Variants in CDHR2 observed in about 807,000 individuals in gnomAD.
The protein encoded by CDHR2 is cadherin related family member 2, also known as cadherin-related family member 2.
In CDHR2, 104 loss-of-function variants were observed where a neutral mutation model predicts 138.6. The observed-to-expected ratio is 0.75, with a 90% CI of 0.64 to 0.88. The LOEUF (loss-of-function observed/expected upper bound fraction) is 0.88, where lower values mean the gene tolerates loss of function less well. CDHR2 is among the 40% of genes least tolerant of loss of function. The probability of loss-of-function intolerance (pLI) is 0.00; values close to 1 mark genes in which losing one functional copy is unlikely to be tolerated. For synonymous variants in CDHR2, 755 were observed against 742.8 expected (o/e 1.02, Z -0.27); for missense variants, 1,624 against 1,727.6 (o/e 0.94, Z 1.06).
chr5:176,560,482 C>G (rs1452438383), intron 1 of CDHR2, among the ~76,000 whole-genome samples: 1 of 152,136 alleles, frequency 6.6e-6, no homozygotes, highest in Non-Finnish European at 1.5e-5. Flanking sequence ...GTCCTCATCT[C>G]TTGCAGGAAG....
At chr5:176,547,874 A>G (rs1386925578), upstream of CDHR2, 2 of 152,218 alleles carry the variant, frequency 1.3e-5, no homozygotes, top group Non-Finnish European at 2.9e-5. Context: ...TGGGAAGCAA[A>G]CTATTAAAAT....
At chr5:176,560,225 C>T (rs112449882) in intron 1 of CDHR2, among the ~76,000 whole-genome samples, 1,865 of 152,140 alleles carry the variant, frequency 0.012, 38 homozygotes, top group African/African-American at 0.042. Flanking sequence ...GGTGAAACCC[C>T]GTCTCTACTA....
At chr5:176,561,992 A>C (rs1402350125) in intron 1 of CDHR2, among the ~76,000 whole-genome samples, 1 of 152,150 alleles carries the variant, frequency 6.6e-6, no homozygotes, top group African/African-American at 2.4e-5. Context: ...AAGGCGGGGA[A>C]GAGCATTCCA....
At chr5:176,565,477 GGA>G (rs1733954786) in intron 2 of CDHR2, 73 bp downstream of exon 2, 2 of 1,452,488 alleles carry the variant, frequency 1.4e-6, no homozygotes, top group Non-Finnish European at 1.9e-6. Context: ...GAAAGGAGGG[GGA>G]TCCCTCATCA....
At chr5:176,580,165 C>T (rs994514291) in intron 16 of CDHR2, among the ~76,000 whole-genome samples, 10 of 149,036 alleles carry the variant, frequency 6.7e-5, no homozygotes, top group Non-Finnish European at 1.2e-4. Flanking sequence ...CACTCACACA[C>T]GCACTCACAC....
chr5:176,550,799 G>A (rs1054853494), intron 1 of CDHR2, among the ~76,000 whole-genome samples: 1 of 152,094 alleles, frequency 6.6e-6, no homozygotes, highest in Non-Finnish European at 1.5e-5. Flanking sequence ...TGGGCAGTCC[G>A]GGTATCCTCA....
chr5:176,560,726 C>A (rs1489516403), intron 1 of CDHR2, among the ~76,000 whole-genome samples: 1 of 152,204 alleles, frequency 6.6e-6, no homozygotes, highest in African/African-American at 2.4e-5. Context: ...CTCATGGATA[C>A]CCAGTAACTA....
intron 5 of CDHR2, among the ~76,000 whole-genome samples, chr5:176,570,321 G>A (rs919916780): frequency 6.6e-5 from 10 of 152,124 alleles, no homozygotes; most frequent in Non-Finnish European, 1.0e-4. Context: ...GCACATTCCC[G>A]TGATAGGACA....
intron 17 of CDHR2, among the ~76,000 whole-genome samples, chr5:176,583,902 G>A (rs922606446): frequency 2.0e-5 from 3 of 152,138 alleles, no homozygotes; most frequent in African/African-American, 7.2e-5. Flanking sequence ...TAGAAAGCAG[G>A]GTCTAGAACA....
chr5:176,584,241 G>A lies in CDHR2; in HGVS notation c.2110G>A (p.Val704Met), dbSNP rs1290291243. 8 of 1,614,024 alleles carry A rather than the reference G, an allele frequency of 5.0e-6. No individual in the cohort carries two copies. The highest frequency in any genetic ancestry group is 1.1e-5 in the South Asian group (1 of 91,086). ...CAATCAGTCCAGCTACAACTTTACG[G>A]TGAAGGAGGAGGATCCAGGTATGTG... ...IFNQSSYNFT[V>M]KEEDPGVLVG... is the part of the protein sequence containing the mutation. Residue 704 changes from valine (V) to methionine (M), a missense_variant, in exon 18 of 32, where the codon GTG becomes ATG. Around this residue, in one of 3 missense-constraint regions of CDHR2, gnomAD observed 1,061 missense variants for 1,136.6 expected, o/e 0.93. Coordinates refer to ENST00000261944, the MANE Select transcript of CDHR2 (RefSeq NM_017675.6).
intron 6 of CDHR2, among the ~76,000 whole-genome samples, chr5:176,571,738 G>A (rs563371670): frequency 2.8e-4 from 42 of 152,052 alleles, no homozygotes; most frequent in African/African-American, 9.4e-4. Flanking sequence ...GGGTTTCACC[G>A]TGTTAGCCAG....
At chr5:176,557,715 T>TC (rs1484726874) in intron 1 of CDHR2, among the ~76,000 whole-genome samples, 45 of 147,178 alleles carry the variant, frequency 3.1e-4, no homozygotes, top group African/African-American at 1.2e-3. Flanking sequence ...TCTTTCTTTT[T>TC]TTTTTATTTT....
intron 17 of CDHR2, among the ~76,000 whole-genome samples, chr5:176,582,210 G>A (rs746024651): frequency 1.3e-5 from 2 of 151,694 alleles, no homozygotes; most frequent in Non-Finnish European, 2.9e-5. Context: ...TGTAGAGATG[G>A]GGTTTTTCCA....
At position 176,575,752 on chromosome 5, in the gene CDHR2, CGGGG is replaced by C; in HGVS notation, c.874_877del (p.Gly292GlnfsTer4). 5 of 1,570,394 alleles carry C rather than the reference CGGGG, an allele frequency of 3.2e-6. No homozygotes were observed. The highest frequency in any genetic ancestry group is 4.3e-6 in the Non-Finnish European group (5 of 1,157,048). ...CCACGCGGCCCGGCTGGTTTGACAT[CGGGG>C]CAGATGGGGTGATCAGGGTCAACGG... On this transcript the variant is annotated frameshift_variant, in exon 11 of 32. Coordinates refer to ENST00000261944, the MANE Select transcript of CDHR2 (RefSeq NM_017675.6). LOFTEE classifies it high-confidence loss of function.
chr5:176,586,117 G>A lies in CDHR2; in HGVS notation c.2806+92G>A, dbSNP rs79306068. 2.0e-3 allele frequency: 1,965 copies of A among 1,000,634 alleles called. 20 individuals are homozygous for A. In the African/African-American group the frequency reaches 0.027, roughly 14 times the overall value. The allele number at this position is 1,000,634 out of a possible 1,614,324, so 62.0% of individuals were successfully genotyped here. A position where few individuals can be genotyped will look rare whatever the true frequency, so the allele number is the denominator to read the frequency against. On this transcript the variant is annotated intron_variant, in intron 20 of 31. Coordinates refer to ENST00000261944, the MANE Select transcript of CDHR2 (RefSeq NM_017675.6). ...AGACCCTCCTTGGACCCCAGGGGGA[G>A]CCTTTAGAAAGGGGGGAAGGCCTCT...
At chr5:176,588,421 G>A (rs1380696359) in intron 21 of CDHR2, among the ~76,000 whole-genome samples, 2 of 72,544 alleles carry the variant, frequency 2.8e-5, no homozygotes, top group Non-Finnish European at 9.2e-5. Flanking sequence ...GAGGGTGTGA[G>A]TGTGTGTGTC....
intron 30 of CDHR2, among the ~76,000 whole-genome samples, 170 bp from the exon 31 acceptor site, chr5:176,592,553 A>G (rs1054565955): frequency 7.3e-6 from 1 of 137,884 alleles, no homozygotes; most frequent in African/African-American, 2.8e-5. Context: ...GGTGATGGTG[A>G]TGGTGCTGAT....
intron 17 of CDHR2, among the ~76,000 whole-genome samples, chr5:176,583,748 A>G (rs1463551938): frequency 6.6e-6 from 1 of 152,168 alleles, no homozygotes; most frequent in East Asian, 1.9e-4. Context: ...CAGGAGGGAC[A>G]GGGGTAGGAG....
chr5:176,565,637 GTGTCCCGATGTTC>G (rs747605435), intron 2 of CDHR2, 22 bp from the exon 3 acceptor site: 25 of 1,588,600 alleles, frequency 1.6e-5, no homozygotes, highest in Middle Eastern at 1.7e-4. Context: ...TTTTGCAGGG[GTGTCCCGATGTTC>G]CAGCACACTG....
Sources: gnomAD v4.1 joint callset for allele counts (sites outside exome capture counted in the v4.1 genomes callset) on GRCh38, gnomAD v4.1.1 for gene constraint, gnomAD v4.1.1 regional missense constraint, MANE v1.5 for transcripts, NCBI Gene and HGNC (gene_info 2026-07-23, HGNC 2026-07-21) for gene names.